The following NPDC1 variants were observed in gnomAD, a reference collection of about 807,000 sequenced individuals.
NPDC1 encodes the protein neural proliferation, differentiation and control 1.
Under a neutral mutation model 32.5 loss-of-function variants are expected in NPDC1, and 18 were observed. That is an observed-to-expected ratio of 0.55 (90% CI 0.38 to 0.82). The LOEUF is 0.82. NPDC1 is among the 40% of genes least tolerant of loss of function. The probability of loss-of-function intolerance (pLI) is 0.00; values close to 1 mark genes in which losing one functional copy is unlikely to be tolerated. For synonymous variants in NPDC1, 210 were observed against 184.7 expected, an observed-to-expected ratio of 1.14 and a Z score of -1.11; for missense variants, 468 against 406.6, an observed-to-expected ratio of 1.15 and a Z score of -1.30.
In NPDC1 at chr9:137,041,127, G is replaced by A. The variant is rs1040039674; in HGVS notation, c.320C>T (p.Ala107Val). The A allele has an allele frequency of 4.0e-6, 6 of 1,511,828 alleles. No homozygotes were observed. In the African/African-American group the frequency reaches 5.6e-5, roughly 14 times the overall value. 93.7% of individuals were successfully genotyped at this position (1,511,828 alleles called of 1,614,324 possible). A position where few individuals can be genotyped will look rare whatever the true frequency, so the allele number is the denominator to read the frequency against. ...DEIDFLAQEL[A>V]RKESGHSTPP... is the part of the protein sequence containing the mutation. ...AGTTGAGTGTCCAGACTCCTTCCGG[G>A]CAAGCTCCTGGGCCAGGAAGTCAAT... Residue 107 changes from alanine (A) to valine (V), a missense_variant, in exon 3 of 9, where the codon GCC (alanine) becomes GTC (valine). Physicochemically the swap from Ala to Val is moderately conservative, Grantham distance 64 (BLOSUM62 0). Transcript: ENST00000371601.
chr9:137,040,551 G>C lies in NPDC1; in HGVS notation c.671C>G (p.Ala224Gly), dbSNP rs557931013. The C allele has an allele frequency of 5.7e-6, 9 of 1,587,602 alleles. No homozygotes were observed. The highest frequency in any genetic ancestry group is 3.4e-5 in the South Asian group (3 of 87,956). ...RLTQKADYAT[A>G]KAPGSPAAPR... ...AGCTGCAGGTGAGCCAGGGGCCTTC[G>C]CAGTGGCGTAGTCGGCCTTCTGAGT... The change falls in exon 6 of 9, where the codon GCG becomes GGG. Residue 224 changes from alanine to glycine, a missense_variant. Transcript: ENST00000371601.
At chr9:137,041,763 C>A (rs1326762641) in intron 2 of NPDC1, among the ~76,000 whole-genome samples, 1 of 152,190 alleles carries the variant, frequency 6.6e-6, no homozygotes, top group Admixed American at 6.5e-5. Context: ...AACACCTCCT[C>A]CAGGAAGCCG....
In NPDC1 at chr9:137,044,989, C is replaced by A. The variant is rs533069733; in HGVS notation, c.112+889G>T. 4.1e-4 allele frequency among the ~76,000 whole-genome samples: 63 copies of A among 152,358 alleles called. 2 individuals carry two copies. Among genetic ancestry groups the A allele is most frequent in the Admixed American group, 3.7e-3 (57 of 15,304 alleles). On this transcript the variant is annotated intron_variant, in intron 1 of 8. Transcript: ENST00000371601. ...CCACAATCCACTTAACTTCTCCATG[C>A]CTCGGATTCCTTGCCTGTAAAACGG...
At chr9:137,040,155 C>T (rs1588546896) in intron 7 of NPDC1, 88 bp from the exon 8 acceptor site, 2 of 711,218 alleles carry the variant, frequency 2.8e-6, no homozygotes, top group Non-Finnish European at 5.1e-6. Context: ...CCACCTCAGC[C>T]CTGGGGTGGC....
At chr9:137,045,339 G>A (rs1832113823) in intron 1 of NPDC1, among the ~76,000 whole-genome samples, 1 of 152,254 alleles carries the variant, frequency 6.6e-6, no homozygotes, top group Non-Finnish European at 1.5e-5. Context: ...CCCCGAGCCT[G>A]CGCCATAAGT....
chr9:137,041,303 G>T, intron 2 of NPDC1, 116 bp from the exon 3 acceptor site: 1 of 1,142,796 alleles, frequency 8.8e-7, no homozygotes. Flanking sequence ...GTACACGCCT[G>T]GAGGCCCTCT....
chr9:137,040,073 TGGG>T lies in NPDC1; in HGVS notation c.789-9_789-7del. 1 of 766,766 alleles carries T rather than the reference TGGG, an allele frequency of 1.3e-6. No individual in the cohort carries two copies. The highest frequency in any genetic ancestry group is 1.3e-5 in the South Asian group (1 of 74,200). The allele number at this position is 766,766 out of a possible 1,614,324, so 47.5% of individuals were successfully genotyped here. On this transcript the variant is annotated splice_polypyrimidine_tract_variant and splice_region_variant and intron_variant, in intron 7 of 8. Coordinates refer to ENST00000371601, the MANE Select transcript of NPDC1 (RefSeq NM_015392.4). ...CCTTGGGTGGCTCTTTATGCCTGGG[TGGG>T]GGGGGATCGCTGGGTCCTCCCCATG...
intron 2 of NPDC1, 77 bp from the exon 3 acceptor site, chr9:137,041,264 C>T (rs1027169891): frequency 1.6e-5 from 21 of 1,330,726 alleles, no homozygotes; most frequent in Non-Finnish European, 2.0e-5. Context: ...CCGCTTCTGG[C>T]AGGTTCCTCC....
At chr9:137,041,018 G>A (rs369292151) in intron 3 of NPDC1, 34 bp from the exon 4 acceptor site, 4 of 1,524,808 alleles carry the variant, frequency 2.6e-6, no homozygotes, top group South Asian at 1.3e-5. Context: ...TGAGAGCACT[G>A]GGCTAGGGAC....
At position 137,043,057 on chromosome 9, in the gene NPDC1, G is replaced by A. The variant is rs779723636; in HGVS notation, c.129C>T (p.Pro43=). 59 of 1,612,478 alleles carry A rather than the reference G, an allele frequency of 3.7e-5. No individual in the cohort carries two copies. Among genetic ancestry groups the A allele is most frequent in the Middle Eastern group, 1.6e-4 (1 of 6,082 alleles). ...TCTTCAGGGCACAGTCCAGGCTCCC[G>A]GGACAGGCGGCTACATCTGGGAAGG... ...AAGHPDVAAC[P]GSLDCALKRR... is the part of the protein sequence containing the mutation. Residue 43 remains proline, a synonymous_variant, in exon 2 of 9, where the codon CCC becomes CCT. Coordinates refer to ENST00000371601, the MANE Select transcript of NPDC1 (RefSeq NM_015392.4).
intron 2 of NPDC1, among the ~76,000 whole-genome samples, chr9:137,042,214 A>C (rs922571333): frequency 6.6e-5 from 10 of 150,990 alleles, no homozygotes; most frequent in Non-Finnish European, 1.5e-4. Flanking sequence ...CAGGGGCCCC[A>C]AGACCACCTG....
Position 137,043,070 on chromosome 9 carries a change from A to G in NPDC1, c.116T>C (p.Val39Ala). ...LRGAAAGHPD[V>A]AACPGSLDCA... ...GTCCAGGCTCCCGGGACAGGCGGCT[A>G]CATCTGGGAAGGAAGCAGAAGGCAG... The change falls in exon 2 of 9, where the codon GTA becomes GCA. Residue 39 changes from valine (V) to alanine (A), a missense_variant. Coordinates refer to ENST00000371601, the MANE Select transcript of NPDC1 (RefSeq NM_015392.4). The G allele has an allele frequency of 6.2e-7, 1 of 1,612,452 alleles. No individual in the cohort carries two copies. Among genetic ancestry groups the G allele is most frequent in the Non-Finnish European group, 8.5e-7 (1 of 1,179,764 alleles).
In NPDC1 at chr9:137,041,066, C is replaced by T. The variant is rs757507413; in HGVS notation, c.381G>A (p.Glu127=). The T allele has an allele frequency of 1.3e-6, 2 of 1,521,146 alleles. No individual in the cohort carries two copies. Among genetic ancestry groups the T allele is most frequent in the East Asian group, 2.3e-5 (1 of 43,560 alleles). 94.2% of individuals were successfully genotyped at this position (1,521,146 alleles called of 1,614,324 possible). ...CAGGGGAAGCGGGGGTCTCACCAGG[C>T]TCCGGGAGCCGCTGTCGGTCCTTGG... ...PLPKDRQRLP[E]PATLGFSARG... is the part of the protein sequence containing the mutation. The change falls in exon 3 of 9, where the codon GAG becomes GAA. Residue 127 remains glutamate, a synonymous_variant. Coordinates refer to ENST00000371601, the MANE Select transcript of NPDC1 (RefSeq NM_015392.4).
chr9:137,045,707 G>A (rs1300911851), intron 1 of NPDC1, among the ~76,000 whole-genome samples, 171 bp downstream of exon 1: 5 of 152,032 alleles, frequency 3.3e-5, no homozygotes, highest in Non-Finnish European at 5.9e-5. Flanking sequence ...CCTCCGGCCA[G>A]GCCTGTTTAT....
rs768831053 is a variant in NPDC1 at position 137,040,827 on chromosome 9, G to A, written c.543C>T (p.Asp181=). 8.2e-6 allele frequency: 13 copies of A among 1,594,506 alleles called. No individual in the cohort carries two copies. The highest frequency in any genetic ancestry group is 3.4e-5 in the Admixed American group (2 of 58,264). ...SPLEPRGGQG[D]GLALVLILAF... ...ACCAAGACCTACCAAGGGCGAGGCC[G>A]TCGCCTTGCCCTCCCCGGGGCTCCA... The change falls in exon 4 of 9, where the codon GAC becomes GAT. Residue 181 remains aspartate (D), a synonymous_variant. Coordinates refer to ENST00000371601, the MANE Select transcript of NPDC1 (RefSeq NM_015392.4).
chr9:137,044,364 C>T (rs982710162), intron 1 of NPDC1, among the ~76,000 whole-genome samples: 19 of 152,214 alleles, frequency 1.2e-4, no homozygotes, highest in Non-Finnish European at 2.5e-4. Context: ...CACCTGGGCC[C>T]ACCCGCCAAC....
In NPDC1 at chr9:137,046,115, C is replaced by G. The variant is rs1354472516; in HGVS notation, c.-126G>C. The G allele has an allele frequency of 3.7e-5, 40 of 1,091,054 alleles. No homozygotes were observed. The highest frequency in any genetic ancestry group is 4.2e-5 in the Non-Finnish European group (38 of 897,162). The allele number at this position is 1,091,054 out of a possible 1,614,324, so 67.6% of individuals were successfully genotyped here. On this transcript the variant is annotated 5_prime_UTR_variant, in exon 1 of 9. Coordinates refer to ENST00000371601, the MANE Select transcript of NPDC1 (RefSeq NM_015392.4). ...CGCAGGAGGAAGAAGAGGCGGATGCCAAGGAGGAGGAGGAGGAAGAGGAAA... is the reference window on the plus strand; with the variant it reads ...CGCAGGAGGAAGAAGAGGCGGATGCGAAGGAGGAGGAGGAGGAAGAGGAAA...
At chr9:137,039,915 G>T (rs1260290680) in intron 8 of NPDC1, 51 bp from the exon 9 acceptor site, 2 of 778,716 alleles carry the variant, frequency 2.6e-6, no homozygotes, top group African/African-American at 3.4e-5. Flanking sequence ...GGGGATACTT[G>T]CTGGGAGGGA....
At chr9:137,045,382 C>T (rs1339690269) in intron 1 of NPDC1, among the ~76,000 whole-genome samples, 1 of 152,276 alleles carries the variant, frequency 6.6e-6, no homozygotes, top group Non-Finnish European at 1.5e-5. Flanking sequence ...CCATGGCGCA[C>T]AAGGCCGGTG....
Sources: allele counts gnomAD v4.1 joint callset (sites outside exome capture counted in the v4.1 genomes callset), GRCh38; gene constraint gnomAD v4.1.1; transcripts MANE v1.5; gene names NCBI Gene and HGNC (gene_info 2026-07-23, HGNC 2026-07-21).